The following KDM6A variants were observed in gnomAD, a reference collection of about 807,000 sequenced individuals.
The protein encoded by KDM6A is lysine-specific demethylase 6A.
In KDM6A, 11 loss-of-function variants were observed where a neutral mutation model predicts 117.6. That is an observed-to-expected ratio of 0.09 (90% CI 0.06 to 0.15). The LOEUF is 0.15. Among genes scored for constraint, KDM6A ranks in the 10% least tolerant of loss-of-function variants. KDM6A has a pLI of 1.00. For synonymous variants in KDM6A, 384 were observed against 396.1 expected (o/e 0.97, Z 0.36); for missense variants, 799 against 1,077.3 (o/e 0.74, Z 3.62).
At chrX:44,983,966 G>T (rs1320420721) in intron 4 of KDM6A, among the ~76,000 whole-genome samples, 5 of 109,954 alleles carry the variant, frequency 4.5e-5, no homozygotes, top group African/African-American at 1.7e-4. Flanking sequence ...TCTAGTTCTA[G>T]ATCCCTGAGG....
At chrX:44,923,461 C>T (rs939370603) in intron 2 of KDM6A, among the ~76,000 whole-genome samples, 26 of 99,933 alleles carry the variant, frequency 2.6e-4, no homozygotes, top group African/African-American at 8.1e-4. Context: ...TGCTGTATCT[C>T]GTTGTGGATT....
intron 2 of KDM6A, among the ~76,000 whole-genome samples, chrX:44,940,822 G>A (rs957769051): frequency 1.8e-5 from 2 of 111,412 alleles, no homozygotes; most frequent in East Asian, 2.8e-4. Context: ...GATCACCTGC[G>A]GTCGGGAGTT....
intron 2 of KDM6A, among the ~76,000 whole-genome samples, chrX:44,898,108 G>T (rs1484293122): frequency 9.0e-6 from 1 of 111,493 alleles, no homozygotes; most frequent in African/African-American, 3.3e-5. Context: ...TCTGAGTAGG[G>T]GTATAAGATG....
intron 8 of KDM6A, among the ~76,000 whole-genome samples, chrX:45,042,640 C>T (rs1412426498): frequency 2.8e-5 from 3 of 105,953 alleles, no homozygotes; most frequent in East Asian, 3.1e-4. Context: ...AGTTTCTCTA[C>T]TTCTCTACAT....
At chrX:44,994,263 A>C (rs959723335) in intron 4 of KDM6A, among the ~76,000 whole-genome samples, 2 of 111,552 alleles carry the variant, frequency 1.8e-5, no homozygotes, top group Non-Finnish European at 3.8e-5. Context: ...ACCCTCCCTG[A>C]GCCTCTGGTA....
At chrX:45,082,954 T>A (rs1022931889) in intron 23 of KDM6A, among the ~76,000 whole-genome samples, 165 bp downstream of exon 23, 7 of 111,348 alleles carry the variant, frequency 6.3e-5, no homozygotes, top group African/African-American at 2.0e-4. Flanking sequence ...ATTAAAATTT[T>A]AAAATTTTTT....
intron 2 of KDM6A, among the ~76,000 whole-genome samples, chrX:44,944,915 TTTG>T (rs1285410746): frequency 9.0e-6 from 1 of 111,502 alleles, no homozygotes; most frequent in African/African-American, 3.3e-5. Context: ...TACTCTTTAT[TTTG>T]TTGTGTAGAT....
chrX:45,097,412 G>A (rs1004240106), intron 27 of KDM6A, among the ~76,000 whole-genome samples: 2 of 110,691 alleles, frequency 1.8e-5, no homozygotes, highest in Non-Finnish European at 3.8e-5. Context: ...ATAATATATC[G>A]TACCTTCCCA....
intron 1 of KDM6A, 92 bp downstream of exon 1, chrX:44,873,804 G>T: frequency 8.8e-7 from 1 of 1,141,210 alleles, no homozygotes; most frequent in Non-Finnish European, 1.2e-6. Flanking sequence ...TGGCGGCGGC[G>T]GGGCGGGCAC....
intron 4 of KDM6A, among the ~76,000 whole-genome samples, chrX:44,987,546 T>C (rs765661121): frequency 8.3e-4 from 93 of 112,049 alleles, no homozygotes; most frequent in African/African-American, 2.8e-3. Context: ...TGGCTGGTAC[T>C]GGTTGTTCCT....
At chrX:45,027,781 CGTT>C (rs745757456) in intron 6 of KDM6A, among the ~76,000 whole-genome samples, 38 of 107,429 alleles carry the variant, frequency 3.5e-4, no homozygotes, top group Non-Finnish European at 5.9e-4. Flanking sequence ...GAGGCCTAAT[CGTT>C]GTTTTTTGGT....
chrX:45,043,760 AGAGT>A (rs2043399622), intron 8 of KDM6A, among the ~76,000 whole-genome samples: 1 of 111,184 alleles, frequency 9.0e-6, no homozygotes, highest in Non-Finnish European at 1.9e-5. Context: ...CCTGGATGAC[AGAGT>A]GAGACTGTTT....
intron 5 of KDM6A, among the ~76,000 whole-genome samples, chrX:45,012,369 G>A (rs1284348687): frequency 9.2e-6 from 1 of 108,238 alleles, no homozygotes; most frequent in Non-Finnish European, 1.9e-5. Context: ...CCTGGCTAAT[G>A]TTTTTGTATT....
chrX:44,956,280 G>C (rs753982912), intron 2 of KDM6A, among the ~76,000 whole-genome samples: 3 of 112,114 alleles, frequency 2.7e-5, no homozygotes, highest in Non-Finnish European at 3.8e-5. Context: ...GATCTGATCA[G>C]ACTAGACCTT....
intron 27 of KDM6A, among the ~76,000 whole-genome samples, chrX:45,096,288 A>C (rs2046102347): frequency 9.0e-6 from 1 of 111,329 alleles, no homozygotes; most frequent in Non-Finnish European, 1.9e-5. Context: ...TGTAAGCAAA[A>C]TTTACCTTGT....
intron 3 of KDM6A, among the ~76,000 whole-genome samples, chrX:44,973,131 A>T (rs1265431674): frequency 9.0e-6 from 1 of 111,601 alleles, no homozygotes; most frequent in African/African-American, 3.3e-5. Context: ...TAGAAACTTT[A>T]TCAGAACATG....
intron 2 of KDM6A, among the ~76,000 whole-genome samples, chrX:44,876,934 CATATACACACGT>C (rs1374002797): frequency 9.2e-6 from 1 of 108,558 alleles, no homozygotes; most frequent in African/African-American, 3.5e-5. Context: ...TACATATACG[CATATACACACGT>C]ATACGTATAT....
intron 2 of KDM6A, among the ~76,000 whole-genome samples, chrX:44,876,899 GTATACATATACGTATACACACATATACA>G (rs1569322625): frequency 9.1e-6 from 1 of 110,181 alleles, no homozygotes; most frequent in African/African-American, 3.3e-5. Flanking sequence ...ATATACACAC[GTATACATATACGTATACACACATATACA>G]TATACGCATA....
chrX:44,892,259 A>G (rs2033425947), intron 2 of KDM6A, among the ~76,000 whole-genome samples: 1 of 112,334 alleles, frequency 8.9e-6, no homozygotes, highest in African/African-American at 3.2e-5. Flanking sequence ...TCTACATAAA[A>G]GCTTGCTGGG....
Sources: allele counts gnomAD v4.1 joint callset (sites outside exome capture counted in the v4.1 genomes callset), GRCh38; gene constraint gnomAD v4.1.1; transcripts MANE v1.5; gene names NCBI Gene and HGNC (gene_info 2026-07-23, HGNC 2026-07-21).